Variants in ACSL3 observed in about 807,000 individuals in gnomAD.
ACSL3 encodes acyl-CoA synthetase long chain family member 3, also known as fatty acid CoA ligase Acsl3.
A neutral mutation model predicts 84.7 loss-of-function variants in ACSL3; 34 were observed. That is an observed-to-expected ratio of 0.40 (90% CI 0.31 to 0.53). ACSL3 has a LOEUF of 0.53. ACSL3 is among the 20% of genes least tolerant of loss of function. ACSL3 has a pLI of 0.48. For synonymous variants in ACSL3, 315 were observed against 299.4 expected, an observed-to-expected ratio of 1.05 and a Z score of -0.54; for missense variants, 680 against 873.1, an observed-to-expected ratio of 0.78 and a Z score of 2.79.
rs184398199 is a variant in ACSL3, at chr2:222,924,074, T to C, written c.1153-382T>C. Among the ~76,000 whole-genome samples, 687 of 152,344 alleles carry C rather than the reference T, an allele frequency of 4.5e-3. 2 individuals are homozygous for C. Among genetic ancestry groups the C allele is most frequent in the Non-Finnish European group, 6.4e-3 (434 of 68,022 alleles). On this transcript the variant is annotated intron_variant, in intron 10 of 16. Transcript: ENST00000357430. ...TTTTTATAAGATAAAGTTAGGACATTTTGAAAAACCATTTCAGACGGTTGT... is the reference window on the plus strand; with the variant it reads ...TTTTTATAAGATAAAGTTAGGACATCTTGAAAAACCATTTCAGACGGTTGT...
intron 1 of ACSL3, among the ~76,000 whole-genome samples, chr2:222,878,553 T>A (rs944054565): frequency 3.3e-5 from 5 of 152,196 alleles, no homozygotes; most frequent in Admixed American, 3.3e-4. Flanking sequence ...CTGCCCTTAA[T>A]CCTTTATCCT....
At position 222,925,117 on chromosome 2, in the gene ACSL3, A is replaced by G. The variant is rs34431912; in HGVS notation, c.1292+522A>G. Among the ~76,000 whole-genome samples, 155 of 152,008 alleles carry G rather than the reference A, an allele frequency of 1.0e-3. 1 individual carries two copies. The highest frequency in any genetic ancestry group is 1.7e-3 in the Non-Finnish European group (115 of 67,962). On this transcript the variant is annotated intron_variant, in intron 11 of 16. Coordinates refer to ENST00000357430, the MANE Select transcript of ACSL3 (RefSeq NM_004457.5). Reference sequence around the variant, plus strand: ...TTTGGGAGGCCAAGGCGGGCAGATCACCTGAGGTCAGGAATTCAAGACCAG... The same window carrying G: ...TTTGGGAGGCCAAGGCGGGCAGATCGCCTGAGGTCAGGAATTCAAGACCAG...
At chr2:222,872,483 C>T (rs924234446) in intron 1 of ACSL3, among the ~76,000 whole-genome samples, 3 of 152,100 alleles carry the variant, frequency 2.0e-5, no homozygotes, top group Admixed American at 1.3e-4. Context: ...AATTATTATT[C>T]TTAACATCTG....
At chr2:222,911,473 A>G (rs1434086007) in intron 4 of ACSL3, among the ~76,000 whole-genome samples, 3 of 152,112 alleles carry the variant, frequency 2.0e-5, no homozygotes, top group African/African-American at 7.2e-5. Context: ...CTGCTTATAG[A>G]TTCATTTTTT....
In ACSL3 at chr2:222,940,439, T is replaced by C. The variant is rs114993246; in HGVS notation, c.2006-1058T>C. ...ATGTATCCTTCTCCTCACATCTAGGTGCATATAAGTTTATGCAGCCTGTGC... is the reference window on the plus strand; with the variant it reads ...ATGTATCCTTCTCCTCACATCTAGGCGCATATAAGTTTATGCAGCCTGTGC... On this transcript the variant is annotated intron_variant, in intron 16 of 16. Coordinates refer to ENST00000357430, the MANE Select transcript of ACSL3 (RefSeq NM_004457.5). Among the ~76,000 whole-genome samples the C allele has an allele frequency of 4.0e-3, 610 of 151,736 alleles. 8 individuals are homozygous for C. The highest frequency in any genetic ancestry group is 0.017 in the Middle Eastern group (5 of 286).
At chr2:222,887,100 C>T (rs982310072) in intron 1 of ACSL3, among the ~76,000 whole-genome samples, 4 of 152,226 alleles carry the variant, frequency 2.6e-5, no homozygotes, top group Admixed American at 1.3e-4. Context: ...GTGCTCTAAC[C>T]TCTGGCAACC....
chr2:222,936,644 A>C (rs1314042987), intron 16 of ACSL3, among the ~76,000 whole-genome samples: 1 of 123,458 alleles, frequency 8.1e-6, no homozygotes, highest in Non-Finnish European at 1.6e-5. Context: ...AAGTTGTACA[A>C]GTTTCTTACA....
chr2:222,922,978 T>C (rs2106130942), intron 9 of ACSL3, 100 bp from the exon 10 acceptor site: 1 of 1,327,852 alleles, frequency 7.5e-7, no homozygotes, highest in East Asian at 2.5e-5. Flanking sequence ...AGACTGTAAG[T>C]ACATTAAAAT....
intron 2 of ACSL3, among the ~76,000 whole-genome samples, chr2:222,892,040 T>G (rs1695855578): frequency 6.6e-6 from 1 of 152,216 alleles, no homozygotes. Context: ...GGATTAATGA[T>G]CTCGATTTCA....
chr2:222,912,043 A>C (rs545959649), intron 4 of ACSL3, among the ~76,000 whole-genome samples: 193 of 152,334 alleles, frequency 1.3e-3, no homozygotes, highest in African/African-American at 4.5e-3. Context: ...GGTTCATCAA[A>C]CTTTGTTCAG....
chr2:222,940,783 T>C lies in ACSL3; in HGVS notation c.2006-714T>C, dbSNP rs181611934. Among the ~76,000 whole-genome samples, 283 of 152,352 alleles carry C rather than the reference T, an allele frequency of 1.9e-3. 1 individual carries two copies. Among genetic ancestry groups the C allele is most frequent in the African/African-American group, 6.6e-3 (274 of 41,584 alleles). On this transcript the variant is annotated intron_variant, in intron 16 of 16. Coordinates refer to ENST00000357430, the MANE Select transcript of ACSL3 (RefSeq NM_004457.5). ...ATCGACATTCGTGTAAGATATGCTA[T>C]GATGTTCCCATGATGGCAAAACTGC...
intron 5 of ACSL3, 87 bp from the exon 6 acceptor site, chr2:222,917,959 G>A (rs555894603): frequency 1.3e-4 from 125 of 958,390 alleles, no homozygotes; most frequent in Non-Finnish European, 1.9e-4. Context: ...CTCCTAATGC[G>A]TTATTATGAT....
chr2:222,917,283 G>T (rs992940238), intron 5 of ACSL3: 1 of 152,280 alleles, frequency 6.6e-6, no homozygotes, highest in South Asian at 2.1e-4. Flanking sequence ...TAGAGATGGG[G>T]TTTCACCCTG....
At position 222,941,885 on chromosome 2, in the gene ACSL3, T is replaced by C. The variant is rs1697322269; in HGVS notation, c.*231T>C. 2.6e-6 allele frequency: 1 copy of C among 385,042 alleles called. No homozygotes were observed. The highest frequency in any genetic ancestry group is 8.2e-5 in the South Asian group (1 of 12,122). The allele number at this position is 385,042 out of a possible 1,614,324, so 23.9% of individuals were successfully genotyped here. On this transcript the variant is annotated 3_prime_UTR_variant, in exon 17 of 17. Transcript: ENST00000357430. ...CAACTTACTTTACCACCTATGACTGTACTTGTCAGTATGAGAATTTTTCTG... is the reference window on the plus strand; with the variant it reads ...CAACTTACTTTACCACCTATGACTGCACTTGTCAGTATGAGAATTTTTCTG...
chr2:222,934,783 T>G, intron 16 of ACSL3, 96 bp downstream of exon 16: 1 of 1,318,814 alleles, frequency 7.6e-7, no homozygotes, highest in South Asian at 1.5e-5. Flanking sequence ...CATTACTTTC[T>G]GCTCAGAAAC....
intron 1 of ACSL3, among the ~76,000 whole-genome samples, chr2:222,876,776 A>T (rs1695461773): frequency 6.6e-6 from 1 of 152,212 alleles, no homozygotes; most frequent in African/African-American, 2.4e-5. Context: ...TCCTTGCTTC[A>T]AGAAGCTCAC....
At position 222,922,826 on chromosome 2, in the gene ACSL3, G is replaced by C. The variant is rs748611651; in HGVS notation, c.1075G>C (p.Asp359His). 1 of 1,613,714 alleles carries C rather than the reference G, an allele frequency of 6.2e-7. No individual in the cohort carries two copies. ...IGYSSPQTLADQSSKIKKGSK... is the reference protein window; with the variant it reads ...IGYSSPQTLAHQSSKIKKGSK... The stretch of plus-strand genomic sequence containing the variant: ...TTACTCTTCACCACAGACTTTAGCA[G>C]ATCAGGTAAGTTCAGTGTCTGTGAC... The change falls in exon 9 of 17, where the codon GAT becomes CAT. Residue 359 changes from aspartate (D) to histidine (H), a missense_variant. By Grantham distance (81) the Asp-to-His change is moderately conservative (BLOSUM62 -1). Transcript: ENST00000357430.
intron 16 of ACSL3, among the ~76,000 whole-genome samples, chr2:222,939,040 ACT>A (rs1189503482): frequency 1.2e-4 from 18 of 149,582 alleles, no homozygotes; most frequent in African/African-American, 4.4e-4. Context: ...GTCTGTCTGT[ACT>A]CTCTTGTAAT....
chr2:222,918,019 T>C (rs767443752), intron 5 of ACSL3, 27 bp from the exon 6 acceptor site: 2 of 1,509,772 alleles, frequency 1.3e-6, no homozygotes, highest in Non-Finnish European at 1.8e-6. Flanking sequence ...GTTTGAATAT[T>C]TGACTGGCTG....
Sources: allele counts gnomAD v4.1 joint callset (sites outside exome capture counted in the v4.1 genomes callset), GRCh38; gene constraint gnomAD v4.1.1; transcripts MANE v1.5; gene names NCBI Gene and HGNC (gene_info 2026-07-23, HGNC 2026-07-21).